Variants in ZBTB20 observed in about 807,000 individuals in gnomAD.
ZBTB20 encodes the protein zinc finger and BTB domain-containing protein 20.
ZBTB20 carries 9 observed loss-of-function variants against 56.9 expected under a neutral mutation model. The ratio of observed to expected loss-of-function variants is 0.16; its 90% CI spans 0.10 to 0.28. ZBTB20 has a LOEUF of 0.28. ZBTB20 is among the 10% of genes least tolerant of loss of function. The pLI is 1.00. For missense variants in ZBTB20, 655 were observed against 1,003.0 expected, an observed-to-expected ratio of 0.65 and a Z score of 4.69; for synonymous variants, 417 against 420.7, an observed-to-expected ratio of 0.99 and a Z score of 0.11.
chr3:114,721,801 G>A (rs2064934507), intron 5 of ZBTB20, among the ~76,000 whole-genome samples: 1 of 152,056 alleles, frequency 6.6e-6, no homozygotes, highest in Non-Finnish European at 1.5e-5. Context: ...ATAAATTCGT[G>A]GGATTCTTGG....
intron 3 of ZBTB20, among the ~76,000 whole-genome samples, chr3:114,955,946 T>A (rs2077232146): frequency 6.6e-6 from 1 of 152,126 alleles, no homozygotes; most frequent in Non-Finnish European, 1.5e-5. Flanking sequence ...GTCTAACAAT[T>A]GTTTAAATCT....
chr3:114,961,649 A>G (rs1315182506), intron 3 of ZBTB20, among the ~76,000 whole-genome samples: 2 of 152,150 alleles, frequency 1.3e-5, no homozygotes, highest in African/African-American at 2.4e-5. Flanking sequence ...ACTAATGACA[A>G]CCTTCCCGTT....
chr3:114,816,576 A>C (rs2072933526), intron 4 of ZBTB20, among the ~76,000 whole-genome samples: 4 of 152,190 alleles, frequency 2.6e-5, no homozygotes, highest in Non-Finnish European at 5.9e-5. Flanking sequence ...AATATATGCC[A>C]AATGCTAAAG....
chr3:114,793,402 T>C (rs1055697053), intron 5 of ZBTB20, among the ~76,000 whole-genome samples: 3 of 152,146 alleles, frequency 2.0e-5, no homozygotes, highest in Non-Finnish European at 4.4e-5. Context: ...ATCTAGGTTA[T>C]TGGAACGATT....
rs75652091 is a variant in ZBTB20 at position 115,123,625 on chromosome 3, G to A, written c.-703+23594C>T. Among the ~76,000 whole-genome samples, 408 of 152,294 alleles carry A rather than the reference G, an allele frequency of 2.7e-3. 1 individual carries two copies. The highest frequency in any genetic ancestry group is 9.0e-3 in the African/African-American group (374 of 41,570). ...ACTGAGGGAAGTTCCTCCAGCCAAA[G>A]CTAAATATGACCTAAGACCTGACAT... On this transcript the variant is annotated intron_variant, in intron 1 of 11. Coordinates refer to ENST00000675478, the MANE Select transcript of ZBTB20 (RefSeq NM_001348800.3).
chr3:114,496,034 T>C (rs1025400823), intron 7 of ZBTB20, among the ~76,000 whole-genome samples: 4 of 152,100 alleles, frequency 2.6e-5, no homozygotes, highest in Admixed American at 2.0e-4. Context: ...TTTTTTCCTA[T>C]CCTCTGGGAC....
intron 4 of ZBTB20, among the ~76,000 whole-genome samples, chr3:114,807,127 G>T (rs938666395): frequency 6.6e-6 from 1 of 151,810 alleles, no homozygotes; most frequent in African/African-American, 2.4e-5. Context: ...CTGTAAAAAC[G>T]CCTTTATTCT....
intron 3 of ZBTB20, among the ~76,000 whole-genome samples, chr3:114,913,304 T>C (rs939107616): frequency 1.3e-5 from 2 of 152,124 alleles, no homozygotes; most frequent in Non-Finnish European, 2.9e-5. Context: ...TATCTCATTG[T>C]AGTTTTGATT....
intron 2 of ZBTB20, among the ~76,000 whole-genome samples, chr3:115,055,187 A>ATCTCTCTCTCTCTC (rs58480744): frequency 0.029 from 2,968 of 103,086 alleles, 327 homozygotes; most frequent in Middle Eastern, 0.039. Flanking sequence ...CCTCCTGGTA[A>ATCTCTCTCTCTCTC]TCTCTCTCTC....
At chr3:115,006,468 T>C (rs1462314051) in intron 2 of ZBTB20, among the ~76,000 whole-genome samples, 1 of 151,418 alleles carries the variant, frequency 6.6e-6, no homozygotes, top group African/African-American at 2.4e-5. Context: ...TGGATATATA[T>C]ATATATATAT....
chr3:114,741,516 G>T (rs1416105965), intron 5 of ZBTB20, among the ~76,000 whole-genome samples: 1 of 152,022 alleles, frequency 6.6e-6, no homozygotes, highest in Non-Finnish European at 1.5e-5. Context: ...AAGCAAATAG[G>T]CTTATGAAAT....
chr3:114,897,865 A>G (rs1026288899), intron 4 of ZBTB20, among the ~76,000 whole-genome samples: 1 of 152,140 alleles, frequency 6.6e-6, no homozygotes, highest in Non-Finnish European at 1.5e-5. Flanking sequence ...AATGCAATAG[A>G]TAACTGGCTT....
At chr3:114,975,628 T>C (rs535011926) in intron 2 of ZBTB20, among the ~76,000 whole-genome samples, 2 of 152,244 alleles carry the variant, frequency 1.3e-5, no homozygotes, top group Admixed American at 1.3e-4. Context: ...TTACAGTTAT[T>C]CTGCATCAGC....
chr3:114,852,495 C>A (rs1008340607), intron 4 of ZBTB20, among the ~76,000 whole-genome samples: 5 of 152,052 alleles, frequency 3.3e-5, no homozygotes, highest in African/African-American at 9.7e-5. Context: ...AACTCCCGAC[C>A]TCAGCTGATC....
chr3:114,998,074 ACTT>A (rs1242269720), intron 2 of ZBTB20, among the ~76,000 whole-genome samples: 3 of 151,754 alleles, frequency 2.0e-5, no homozygotes, highest in Non-Finnish European at 4.4e-5. Flanking sequence ...AAGCAAATTA[ACTT>A]CTTTTTATTT....
chr3:114,460,446 G>A (rs1349611614), intron 7 of ZBTB20, among the ~76,000 whole-genome samples: 2 of 152,108 alleles, frequency 1.3e-5, no homozygotes, highest in African/African-American at 2.4e-5. Flanking sequence ...AATCACAAAG[G>A]TTCTTATAAG....
At chr3:114,964,568 T>C (rs771324314) in intron 3 of ZBTB20, among the ~76,000 whole-genome samples, 4 of 152,212 alleles carry the variant, frequency 2.6e-5, no homozygotes, top group Non-Finnish European at 5.9e-5. Context: ...CTGGGTCATG[T>C]GCAGACTATA....
intron 1 of ZBTB20, among the ~76,000 whole-genome samples, chr3:115,124,904 AG>A (rs1369344329): frequency 1.3e-5 from 2 of 152,072 alleles, no homozygotes; most frequent in African/African-American, 4.8e-5. Flanking sequence ...ATAAAAATTA[AG>A]ATTTTTATGT....
chr3:114,627,990 T>C (rs1203057792), intron 6 of ZBTB20, among the ~76,000 whole-genome samples: 2 of 152,200 alleles, frequency 1.3e-5, no homozygotes, highest in African/African-American at 4.8e-5. Context: ...ACTATGTGTC[T>C]TGGGCAAGTC....
Sources: allele counts gnomAD v4.1 joint callset (sites outside exome capture counted in the v4.1 genomes callset), GRCh38; gene constraint gnomAD v4.1.1; transcripts MANE v1.5; gene names NCBI Gene and HGNC (gene_info 2026-07-23, HGNC 2026-07-21).